The following AGBL4 variants were observed in gnomAD, a reference collection of about 807,000 sequenced individuals.
AGBL4 encodes AGBL carboxypeptidase 4.
In AGBL4, 58 loss-of-function variants were observed where a neutral mutation model predicts 66.4. The observed-to-expected ratio is 0.87, with a 90% CI of 0.71 to 1.09. AGBL4 has a LOEUF of 1.09. AGBL4 is among the 50% of genes least tolerant of loss of function. The pLI is 0.00. For missense variants in AGBL4, 579 were observed against 631.0 expected (o/e 0.92, Z 0.88); for synonymous variants, 234 against 222.9 (o/e 1.05, Z -0.44).
intron 3 of AGBL4, among the ~76,000 whole-genome samples, chr1:49,310,462 A>C (rs190724608): frequency 1.3e-5 from 2 of 152,234 alleles, no homozygotes; most frequent in African/African-American, 4.8e-5. Flanking sequence ...TTTCTAAAAA[A>C]TTAAATGAAA....
intron 11 of AGBL4, among the ~76,000 whole-genome samples, chr1:48,571,862 C>T (rs1644569109): frequency 6.6e-6 from 1 of 152,158 alleles, no homozygotes; most frequent in African/African-American, 2.4e-5. Flanking sequence ...CTCTGGTTGT[C>T]CCTTAACTCA....
chr1:49,523,791 A>T (rs570974587), intron 3 of AGBL4, among the ~76,000 whole-genome samples: 1 of 152,154 alleles, frequency 6.6e-6, no homozygotes, highest in Non-Finnish European at 1.5e-5. Context: ...GAAATGAATA[A>T]GCCATGATTA....
chr1:49,164,814 C>T (rs935027344), intron 4 of AGBL4, among the ~76,000 whole-genome samples: 10 of 152,184 alleles, frequency 6.6e-5, no homozygotes, highest in African/African-American at 2.4e-4. Flanking sequence ...GGATACTCCA[C>T]AGGTTTCATC....
At position 49,237,071 on chromosome 1, in the gene AGBL4, C is replaced by T. The variant is rs141117581; in HGVS notation, c.377+8699G>A. 3.7e-3 allele frequency among the ~76,000 whole-genome samples: 556 copies of T among 150,238 alleles called. 3 individuals are homozygous for T. The highest frequency in any genetic ancestry group is 0.013 in the African/African-American group (530 of 40,784). The stretch of plus-strand genomic sequence containing the variant: ...GAGATCGAGACCATCCTGGCTAACA[C>T]GGTGAAACCCCATCTCTACTAAAAA... On this transcript the variant is annotated intron_variant, in intron 4 of 13. Coordinates refer to ENST00000371839, the MANE Select transcript of AGBL4 (RefSeq NM_032785.4).
intron 2 of AGBL4, among the ~76,000 whole-genome samples, chr1:49,783,666 A>G (rs1644386973): frequency 6.6e-6 from 1 of 152,172 alleles, no homozygotes; most frequent in Non-Finnish European, 1.5e-5. Flanking sequence ...AATAGGCAAG[A>G]ATAAAGAAAT....
At chr1:49,634,463 T>C (rs1192700709) in intron 3 of AGBL4, among the ~76,000 whole-genome samples, 4 of 152,214 alleles carry the variant, frequency 2.6e-5, no homozygotes, top group African/African-American at 4.8e-5. Flanking sequence ...CAGTCTATCA[T>C]GGATGGGCAT....
intron 1 of AGBL4, among the ~76,000 whole-genome samples, chr1:49,920,789 C>T (rs565128262): frequency 1.3e-5 from 2 of 152,264 alleles, no homozygotes; most frequent in South Asian, 4.1e-4. Flanking sequence ...GACACATGCA[C>T]ACGTATGTTT....
chr1:49,365,371 A>C (rs1644223971), intron 3 of AGBL4, among the ~76,000 whole-genome samples: 1 of 152,034 alleles, frequency 6.6e-6, no homozygotes, highest in Non-Finnish European at 1.5e-5. Context: ...AACAACAATA[A>C]CAACATATAC....
At chr1:48,724,271 C>T (rs183247147) in intron 6 of AGBL4, among the ~76,000 whole-genome samples, 23 of 152,266 alleles carry the variant, frequency 1.5e-4, no homozygotes, top group Admixed American at 5.2e-4. Context: ...GATGAAGAAG[C>T]TGGTGTTAAG....
intron 1 of AGBL4, among the ~76,000 whole-genome samples, chr1:50,015,258 G>C (rs1661891221): frequency 1.3e-5 from 2 of 152,038 alleles, no homozygotes; most frequent in South Asian, 4.1e-4. Context: ...CCGTTCTCTG[G>C]CCTCAGAATT....
intron 6 of AGBL4, among the ~76,000 whole-genome samples, chr1:48,791,421 C>A (rs373061602): frequency 1.2e-4 from 19 of 152,250 alleles, no homozygotes; most frequent in South Asian, 4.2e-4. Flanking sequence ...TGCCCTCCCC[C>A]ACCACTACCC....
intron 5 of AGBL4, among the ~76,000 whole-genome samples, chr1:48,998,995 C>T (rs3118225): frequency 0.56 from 85,200 of 151,960 alleles, 24,416 homozygotes; most frequent in Non-Finnish European, 0.62. Flanking sequence ...AAGTAGGACC[C>T]AGAGACAGAG....
intron 6 of AGBL4, among the ~76,000 whole-genome samples, chr1:48,866,642 C>T (rs1444590567): frequency 6.6e-6 from 1 of 152,190 alleles, no homozygotes; most frequent in Non-Finnish European, 1.5e-5. Context: ...GGCCAGATGT[C>T]AGCTATAGAG....
intron 3 of AGBL4, among the ~76,000 whole-genome samples, chr1:49,307,098 T>A (rs911836353): frequency 2.0e-5 from 3 of 152,194 alleles, no homozygotes; most frequent in Admixed American, 2.0e-4. Context: ...GAAAAATTTA[T>A]CTGGAAAGTG....
At position 49,006,430 on chromosome 1, in the gene AGBL4, G is replaced by C. The variant is rs975212789; in HGVS notation, c.594+39154C>G. 9.8e-4 allele frequency among the ~76,000 whole-genome samples: 150 copies of C among 152,292 alleles called. 1 individual carries two copies. The highest frequency in any genetic ancestry group is 3.5e-3 in the African/African-American group (144 of 41,578). ...ACAGCAGTCTGAGATCAAACTGCAA[G>C]GCGGCAGCGAGGCTGGGGGAGGGGC... On this transcript the variant is annotated intron_variant, in intron 5 of 13. Coordinates refer to ENST00000371839, the MANE Select transcript of AGBL4 (RefSeq NM_032785.4).
At chr1:48,944,399 C>T (rs1165657763) in intron 5 of AGBL4, among the ~76,000 whole-genome samples, 1 of 152,148 alleles carries the variant, frequency 6.6e-6, no homozygotes, top group African/African-American at 2.4e-5. Flanking sequence ...CAGGCATGAG[C>T]AGGGCAGTAT....
At chr1:49,398,180 T>G (rs1645010252) in intron 3 of AGBL4, among the ~76,000 whole-genome samples, 2 of 152,150 alleles carry the variant, frequency 1.3e-5, no homozygotes, top group South Asian at 2.1e-4. Context: ...TCTGTGAGGA[T>G]TTTTTCAGAA....
chr1:49,184,970 T>G (rs545472845), intron 4 of AGBL4, among the ~76,000 whole-genome samples: 7 of 152,328 alleles, frequency 4.6e-5, no homozygotes, highest in Non-Finnish European at 1.0e-4. Flanking sequence ...TATCTCCTTC[T>G]GCCAATTTTA....
chr1:48,716,419 G>A (rs1313566096), intron 6 of AGBL4, among the ~76,000 whole-genome samples: 1 of 152,142 alleles, frequency 6.6e-6, no homozygotes, highest in Non-Finnish European at 1.5e-5. Flanking sequence ...GCCAAAGAAA[G>A]ATCAAGTAAA....
Sources: gnomAD v4.1 joint callset for allele counts (sites outside exome capture counted in the v4.1 genomes callset) on GRCh38, gnomAD v4.1.1 for gene constraint, MANE v1.5 for transcripts, NCBI Gene and HGNC (gene_info 2026-07-23, HGNC 2026-07-21) for gene names.